The following MED27 variants were observed in gnomAD, a reference collection of about 807,000 sequenced individuals.
MED27 encodes mediator complex subunit 27.
Under a neutral mutation model 38.2 loss-of-function variants are expected in MED27, and 30 were observed. The observed-to-expected ratio is 0.79, with a 90% CI of 0.59 to 1.07. MED27 has a LOEUF of 1.07. MED27 is among the 50% of genes least tolerant of loss of function. MED27 has a pLI of 0.00. For synonymous variants in MED27, 122 were observed against 153.5 expected (o/e 0.79, Z 1.52); for missense variants, 289 against 397.5 (o/e 0.73, Z 2.32).
chr9:131,991,925 G>A (rs890717155), intron 3 of MED27, among the ~76,000 whole-genome samples: 2 of 152,056 alleles, frequency 1.3e-5, no homozygotes, highest in Non-Finnish European at 2.9e-5. Context: ...GTTTTACCAC[G>A]TTAGCCAGGA....
intron 2 of MED27, among the ~76,000 whole-genome samples, chr9:132,041,720 T>A (rs975980373): frequency 2.0e-5 from 3 of 152,124 alleles, no homozygotes; most frequent in Non-Finnish European, 2.9e-5. Context: ...TGCTGAAAAA[T>A]TTGTTCTTAA....
chr9:131,982,479 GTTGTAAGTAGCCAAGTT>G lies in MED27; in HGVS notation c.479+31841_479+31857del, dbSNP rs376829078. On this transcript the variant is annotated intron_variant, in intron 3 of 7. Transcript: ENST00000292035. This position sits in a 1 kb window ranked among gnomAD's most constrained non-coding sequence, Gnocchi z 4.3. ...CAATCGTGAGTAAATAAAATGTTTT[GTTGTAAGTAGCCAAGTT>G]TTGTCATGGTTTGCTATGAGGCAGA... Among the ~76,000 whole-genome samples the G allele has an allele frequency of 6.6e-5, 10 of 152,340 alleles. No individual in the cohort carries two copies. The highest frequency in any genetic ancestry group is 2.2e-4 in the African/African-American group (9 of 41,572).
At chr9:132,015,008 T>C (rs1832570726) in intron 2 of MED27, among the ~76,000 whole-genome samples, 1 of 152,238 alleles carries the variant, frequency 6.6e-6, no homozygotes, top group African/African-American at 2.4e-5. Flanking sequence ...CTGGGAAGTC[T>C]TGCTACCACC....
In MED27 at chr9:131,862,059, A is replaced by C. The variant is rs1838660614; in HGVS notation, c.801+1004T>G. Reference sequence around the variant, plus strand: ...TGGTCAGGGGAACTGTTCCCTGGACACACAGAAGGACCACTCTGTGGGAGC... The same window carrying C: ...TGGTCAGGGGAACTGTTCCCTGGACCCACAGAAGGACCACTCTGTGGGAGC... On this transcript the variant is annotated intron_variant, in intron 7 of 7. Coordinates refer to ENST00000292035, the MANE Select transcript of MED27 (RefSeq NM_004269.4). This position sits in a 1 kb window ranked among gnomAD's most constrained non-coding sequence, Gnocchi z 4.6. Among the ~76,000 whole-genome samples, 1 of 152,230 alleles carries C rather than the reference A, an allele frequency of 6.6e-6. No individual in the cohort carries two copies. Among genetic ancestry groups the C allele is most frequent in the South Asian group, 2.1e-4 (1 of 4,832 alleles).
At chr9:132,031,848 A>G (rs1832970936) in intron 2 of MED27, 1 of 152,148 alleles carries the variant, frequency 6.6e-6, no homozygotes, top group Admixed American at 6.5e-5. Flanking sequence ...AAGCCCCTAC[A>G]CACTACAAAA....
At position 131,862,976 on chromosome 9, in the gene MED27, G is replaced by T; in HGVS notation, c.801+87C>A. On this transcript the variant is annotated intron_variant, in intron 7 of 7. Coordinates refer to ENST00000292035, the MANE Select transcript of MED27 (RefSeq NM_004269.4). This position sits in a 1 kb window ranked among gnomAD's most constrained non-coding sequence, Gnocchi z 4.6. ...CACTGGGAGGCCCTCAAAGTCTGAA[G>T]ATGCAACGGCTGCCCTTCAAGCTCC... is the stretch of plus-strand genomic sequence containing the variant. 2 of 1,167,636 alleles carry T rather than the reference G, an allele frequency of 1.7e-6. No individual in the cohort carries two copies. The highest frequency in any genetic ancestry group is 1.5e-5 in the African/African-American group (1 of 66,236). The allele number at this position is 1,167,636 out of a possible 1,614,324, so 72.3% of individuals were successfully genotyped here. A position where few individuals can be genotyped will look rare whatever the true frequency, so the allele number is the denominator to read the frequency against.
chr9:131,945,523 T>C (rs1205569899), intron 3 of MED27, among the ~76,000 whole-genome samples: 1 of 152,162 alleles, frequency 6.6e-6, no homozygotes, highest in African/African-American at 2.4e-5. Flanking sequence ...TGTTATACAA[T>C]AGATCTCTTG....
At chr9:132,058,085 C>G (rs752652032) in intron 2 of MED27, among the ~76,000 whole-genome samples, 8 of 152,056 alleles carry the variant, frequency 5.3e-5, no homozygotes, top group Non-Finnish European at 1.0e-4. Flanking sequence ...GAGGCTTGGC[C>G]ACCACTTTTA....
At chr9:132,020,336 C>T (rs1832691405) in intron 2 of MED27, among the ~76,000 whole-genome samples, 1 of 152,152 alleles carries the variant, frequency 6.6e-6, no homozygotes, top group Non-Finnish European at 1.5e-5. Context: ...GAAAATCCTT[C>T]CAATGTATAA....
At chr9:132,029,125 C>T (rs752649898) in intron 2 of MED27, among the ~76,000 whole-genome samples, 1 of 152,102 alleles carries the variant, frequency 6.6e-6, no homozygotes. Flanking sequence ...CAACTCCTAT[C>T]AAAAATCTGG....
chr9:132,026,690 T>C (rs1163595028), intron 2 of MED27, among the ~76,000 whole-genome samples: 1 of 152,150 alleles, frequency 6.6e-6, no homozygotes, highest in Non-Finnish European at 1.5e-5. Flanking sequence ...AAGATCTGCC[T>C]AGAATGTAAG....
chr9:132,012,197 A>G (rs1268636765), intron 3 of MED27, among the ~76,000 whole-genome samples: 1 of 152,226 alleles, frequency 6.6e-6, no homozygotes, highest in African/African-American at 2.4e-5. Context: ...TTGCCTCAGT[A>G]GACAATCCAT....
intron 5 of MED27, 96 bp downstream of exon 5, chr9:131,893,789 T>C: frequency 4.9e-6 from 4 of 812,262 alleles, no homozygotes; most frequent in Admixed American, 4.0e-5. Flanking sequence ...ATTTCCGCTA[T>C]GATTGCTAGT....
chr9:131,876,110 T>C (rs996710496), intron 6 of MED27, among the ~76,000 whole-genome samples: 1 of 152,224 alleles, frequency 6.6e-6, no homozygotes, highest in African/African-American at 2.4e-5. Context: ...CCTGCCATGC[T>C]GGCAGCCCAT....
intron 2 of MED27, among the ~76,000 whole-genome samples, chr9:132,068,183 A>C (rs1167369056): frequency 6.6e-6 from 1 of 150,772 alleles, no homozygotes; most frequent in Non-Finnish European, 1.5e-5. Context: ...ATGTACAGAG[A>C]CTCCCCCGGG....
chr9:131,882,843 T>C (rs1163967732), intron 6 of MED27, among the ~76,000 whole-genome samples: 1 of 152,152 alleles, frequency 6.6e-6, no homozygotes, highest in East Asian at 1.9e-4. Context: ...TCCTTGCCTG[T>C]TGGAGTTTCC....
intron 6 of MED27, among the ~76,000 whole-genome samples, chr9:131,875,451 G>A (rs771333846): frequency 1.3e-5 from 2 of 152,204 alleles, no homozygotes; most frequent in Admixed American, 6.5e-5. Context: ...GAGCCACCGT[G>A]TCCACTGTGG....
intron 2 of MED27, among the ~76,000 whole-genome samples, chr9:132,016,180 G>A (rs931435653): frequency 6.6e-6 from 1 of 152,180 alleles, no homozygotes; most frequent in Non-Finnish European, 1.5e-5. Flanking sequence ...CCATAGGGCT[G>A]CATGCAAATA....
intron 3 of MED27, among the ~76,000 whole-genome samples, chr9:131,951,650 A>G (rs1344942402): frequency 7.9e-5 from 12 of 152,374 alleles, no homozygotes; most frequent in Middle Eastern, 6.8e-3. Flanking sequence ...CATAATCATT[A>G]TGAGAAGTAA....
Sources: gnomAD v4.1 joint callset for allele counts (sites outside exome capture counted in the v4.1 genomes callset) on GRCh38, gnomAD v4.1.1 for gene constraint, Gnocchi (gnomAD v3.1) non-coding constraint, MANE v1.5 for transcripts, NCBI Gene and HGNC (gene_info 2026-07-23, HGNC 2026-07-21) for gene names.